The following UBE2L3 variants were observed in gnomAD, a reference collection of about 807,000 sequenced individuals.
The protein encoded by UBE2L3 is ubiquitin-conjugating enzyme E2 L3.
In UBE2L3, 1 loss-of-function variant was observed where a neutral mutation model predicts 17.8. That is an observed-to-expected ratio of 0.06 (90% confidence interval 0.02 to 0.27). The LOEUF (loss-of-function observed/expected upper bound fraction) is 0.27. UBE2L3 is among the 10% of genes least tolerant of loss of function. The pLI is 1.00. For missense variants in UBE2L3, 40 were observed against 192.6 expected (o/e 0.21, Z 4.69); for synonymous variants, 44 against 68.5 (o/e 0.64, Z 1.76).
At chr22:21,608,902 G>GTT (rs774068895) in intron 2 of UBE2L3, among the ~76,000 whole-genome samples, 7 of 146,274 alleles carry the variant, frequency 4.8e-5, no homozygotes. Flanking sequence ...GTTTTGTTTT[G>GTT]TTTTTTTTTT....
chr22:21,602,705 A>AT (rs1389511017), intron 2 of UBE2L3, among the ~76,000 whole-genome samples: 2 of 152,252 alleles, frequency 1.3e-5, no homozygotes, highest in African/African-American at 4.8e-5. Context: ...TGGGAGGTTG[A>AT]TATCAAGAGC....
At chr22:21,561,917 T>C (rs1041914534) in intron 1 of UBE2L3, among the ~76,000 whole-genome samples, 1 of 152,158 alleles carries the variant, frequency 6.6e-6, no homozygotes, top group African/African-American at 2.4e-5. Flanking sequence ...TTCTCTCCTA[T>C]CAAATAGAAC....
intron 2 of UBE2L3, among the ~76,000 whole-genome samples, chr22:21,595,424 C>T (rs530626235): frequency 1.5e-4 from 23 of 152,338 alleles, no homozygotes; most frequent in Admixed American, 1.2e-3. Flanking sequence ...ATCTACTATA[C>T]AAACTCACCT....
At chr22:21,613,244 GT>G (rs1202469568) in intron 3 of UBE2L3, among the ~76,000 whole-genome samples, 3 of 152,214 alleles carry the variant, frequency 2.0e-5, no homozygotes, top group African/African-American at 7.2e-5. Flanking sequence ...ATAGAAGGCC[GT>G]GGCAGGGTTA....
chr22:21,558,504 G>A (rs1926318052), intron 1 of UBE2L3, among the ~76,000 whole-genome samples: 1 of 152,104 alleles, frequency 6.6e-6, no homozygotes, highest in Admixed American at 6.5e-5. Flanking sequence ...GGTGGCGGGC[G>A]CCTGTAGTCC....
chr22:21,604,372 G>A (rs1004033268), intron 2 of UBE2L3, among the ~76,000 whole-genome samples: 13 of 152,222 alleles, frequency 8.5e-5, no homozygotes, highest in African/African-American at 2.6e-4. Context: ...GGCAGCCTGC[G>A]CCTGTAATCC....
At chr22:21,556,184 G>A (rs1926217601) in intron 1 of UBE2L3, among the ~76,000 whole-genome samples, 1 of 152,200 alleles carries the variant, frequency 6.6e-6, no homozygotes, top group Non-Finnish European at 1.5e-5. Context: ...TGAGCCATGA[G>A]TGAGTCACCG....
intron 2 of UBE2L3, among the ~76,000 whole-genome samples, chr22:21,604,306 C>G (rs1929033234): frequency 6.6e-6 from 1 of 152,058 alleles, no homozygotes. Flanking sequence ...CAAGACCATC[C>G]TGGGCAACAC....
At position 21,573,015 on chromosome 22, in the gene UBE2L3, C is replaced by T. The variant is rs151020468; in HGVS notation, c.27+5244C>T. Among the ~76,000 whole-genome samples the T allele has an allele frequency of 7.1e-3, 1,074 of 152,236 alleles. 7 individuals carry two copies. Among genetic ancestry groups the T allele is most frequent in the Non-Finnish European group, 9.2e-3 (626 of 68,018 alleles). On this transcript the variant is annotated intron_variant, in intron 1 of 3. Transcript: ENST00000342192. Reference sequence around the variant, plus strand: ...CCCACTCCCAATGCCACTGCCACTCCCACTGCCTCAGTTCAGGCCATCCCT... The same window carrying T: ...CCCACTCCCAATGCCACTGCCACTCTCACTGCCTCAGTTCAGGCCATCCCT...
Position 21,569,725 on chromosome 22 carries a change from G to A in UBE2L3, c.27+1954G>A, listed in dbSNP as rs190318736. On this transcript the variant is annotated intron_variant, in intron 1 of 3. Transcript: ENST00000342192. ...ACAGTTCTTGCACCTAATCACAGTA[G>A]CTACTATTTTTCCAGCTTTTACTTC... is the stretch of plus-strand genomic sequence containing the variant. Among the ~76,000 whole-genome samples the A allele has an allele frequency of 1.1e-3, 161 of 152,254 alleles. 2 individuals carry two copies. Among genetic ancestry groups the A allele is most frequent in the Admixed American group, 0.011 (161 of 15,292 alleles).
intron 1 of UBE2L3, among the ~76,000 whole-genome samples, chr22:21,577,813 A>G (rs1473944671): frequency 1.3e-5 from 2 of 152,116 alleles, no homozygotes; most frequent in Non-Finnish European, 1.5e-5. Flanking sequence ...CTTTCCTAGC[A>G]TAGGTAGGCA....
upstream of UBE2L3, among the ~76,000 whole-genome samples, chr22:21,565,350 C>T (rs1336715538): frequency 4.0e-5 from 6 of 151,768 alleles, no homozygotes; most frequent in Non-Finnish European, 8.8e-5. Context: ...CCTCGGCTTC[C>T]CAAAGTGCTG....
chr22:21,602,175 T>C (rs1349717954), intron 2 of UBE2L3, among the ~76,000 whole-genome samples: 3 of 152,152 alleles, frequency 2.0e-5, no homozygotes, highest in Admixed American at 6.6e-5. Flanking sequence ...AGGATGCTGC[T>C]GTGGAGTCGC....
At chr22:21,568,219 C>T (rs1235145204) in intron 1 of UBE2L3, 1 of 989,674 alleles carries the variant, frequency 1.0e-6, no homozygotes, top group Admixed American at 6.1e-5. Context: ...CTTGCAGCTC[C>T]GCTTGGCCCG....
chr22:21,567,468 T>C, upstream of UBE2L3: 1 of 565,850 alleles, frequency 1.8e-6, no homozygotes, highest in Non-Finnish European at 2.9e-6. Flanking sequence ...TGGTCAACTA[T>C]TTTATGCAAT....
At chr22:21,580,696 C>T (rs924769215) in intron 1 of UBE2L3, among the ~76,000 whole-genome samples, 2 of 152,026 alleles carry the variant, frequency 1.3e-5, no homozygotes, top group African/African-American at 4.8e-5. Context: ...GTGATCCCCC[C>T]ACCTCAGCCT....
Position 21,610,931 on chromosome 22 carries a change from G to A in UBE2L3, c.198G>A (p.Pro66=), listed in dbSNP as rs757743777. ...NFPAEYPFKP[P]KITFKTKIYH... ...CAGCAGAGTACCCATTCAAACCACC[G>A]AAGATCACATTTAAAACAAAGATCT... The change falls in exon 3 of 4, where the codon CCG becomes CCA. Residue 66 remains proline, a synonymous_variant. Coordinates refer to ENST00000342192, the MANE Select transcript of UBE2L3 (RefSeq NM_003347.4). 3 of 1,613,722 alleles carry A rather than the reference G, an allele frequency of 1.9e-6. No individual in the cohort carries two copies. Among genetic ancestry groups the A allele is most frequent in the Non-Finnish European group, 1.7e-6 (2 of 1,179,926 alleles).
upstream of UBE2L3, among the ~76,000 whole-genome samples, chr22:21,566,372 T>A (rs1926638189): frequency 6.6e-6 from 1 of 151,828 alleles, no homozygotes; most frequent in South Asian, 2.1e-4. Context: ...CTGCTTGAGC[T>A]CAGGAGTTTG....
In UBE2L3 at chr22:21,621,548, C is replaced by T; in HGVS notation, c.344C>T (p.Pro115Leu). 1 of 1,611,894 alleles carries T rather than the reference C, an allele frequency of 6.2e-7. No homozygotes were observed. The highest frequency in any genetic ancestry group is 8.5e-7 in the Non-Finnish European group (1 of 1,179,824). ...IQSLIALVND[P>L]QPEHPLRADL... ...TCCCTCATAGCACTGGTGAATGACCCCCAGCCTGAGCACCCGCTTCGGGCT... is the reference window on the plus strand; with the variant it reads ...TCCCTCATAGCACTGGTGAATGACCTCCAGCCTGAGCACCCGCTTCGGGCT... The change falls in exon 4 of 4, where the codon CCC becomes CTC. Residue 115 changes from proline to leucine, a missense_variant. Transcript: ENST00000342192.
Sources: gnomAD v4.1 joint callset for allele counts (sites outside exome capture counted in the v4.1 genomes callset) on GRCh38, gnomAD v4.1.1 for gene constraint, MANE v1.5 for transcripts, NCBI Gene and HGNC (gene_info 2026-07-23, HGNC 2026-07-21) for gene names.